ABAT: variants seen among roughly 807,000 people sequenced by gnomAD.
ABAT encodes 4-aminobutyrate aminotransferase, mitochondrial.
In ABAT, 45 loss-of-function variants were observed where a neutral mutation model predicts 64.6. The observed-to-expected ratio is 0.70, with a 90% CI of 0.55 to 0.89. The LOEUF (loss-of-function observed/expected upper bound fraction) is 0.89, where lower values mean the gene tolerates loss of function less well. Among genes scored for constraint, ABAT ranks in the 40% least tolerant of loss-of-function variants. The probability of loss-of-function intolerance (pLI) is 0.00; values close to 1 mark genes in which losing one functional copy is unlikely to be tolerated. For synonymous variants in ABAT, 297 were observed against 250.5 expected, an observed-to-expected ratio of 1.19 and a Z score of -1.75; for missense variants, 633 against 658.4, an observed-to-expected ratio of 0.96 and a Z score of 0.42.
At chr16:8,702,498 C>G (rs1325884092) in intron 1 of ABAT, among the ~76,000 whole-genome samples, 2 of 152,176 alleles carry the variant, frequency 1.3e-5, no homozygotes, top group Admixed American at 1.3e-4. Context: ...AGTAATCCTC[C>G]CGCCTCGGCC....
intron 1 of ABAT, among the ~76,000 whole-genome samples, chr16:8,707,475 A>T (rs2057974627): frequency 6.6e-6 from 1 of 151,156 alleles, no homozygotes; most frequent in South Asian, 2.1e-4. Context: ...GCATGAGCCA[A>T]TGTGCCCAGC....
At chr16:8,715,488 T>C (rs574280183) in intron 1 of ABAT, 101 of 151,460 alleles carry the variant, frequency 6.7e-4, no homozygotes, top group African/African-American at 2.2e-3. Flanking sequence ...TAACCAGACA[T>C]AGTGGTGTGT....
chr16:8,732,724 A>G (rs975089678), intron 1 of ABAT, among the ~76,000 whole-genome samples: 4 of 150,634 alleles, frequency 2.7e-5, no homozygotes, highest in Non-Finnish European at 4.4e-5. Flanking sequence ...CCCGTTCTCA[A>G]TGAGCTGTCG....
In ABAT at chr16:8,764,727, C is replaced by T. The variant is rs771506614; in HGVS notation, c.448-11C>T. 1.2e-6 allele frequency: 2 copies of T among 1,613,568 alleles called. No homozygotes were observed. Among genetic ancestry groups the T allele is most frequent in the Non-Finnish European group, 1.7e-6 (2 of 1,179,648 alleles). On this transcript the variant is annotated splice_polypyrimidine_tract_variant and intron_variant, in intron 7 of 15. Transcript: ENST00000268251. The surrounding 1 kb of genome is among the most constrained non-coding windows in gnomAD (Gnocchi z 4.2). ...ATGAGCCTGGGCTCACGGCTATTTC[C>T]CTCCCCACAGGTGGCTCCCAAAGGG... is the stretch of plus-strand genomic sequence containing the variant.
In ABAT at chr16:8,754,179, T is replaced by TAAAAAA. The variant is rs750745519; in HGVS notation, c.317-3557_317-3552dup. On this transcript the variant is annotated intron_variant, in intron 5 of 15. Coordinates refer to ENST00000268251, the MANE Select transcript of ABAT (RefSeq NM_020686.6). ...AGCCAACATGTTGAAACCCTGTCTA[T>TAAAAAA]AAAAAAAAAAAAAAAAAAAAAAAAA... Among the ~76,000 whole-genome samples the TAAAAAA allele has an allele frequency of 6.3e-3, 405 of 63,820 alleles. 40 individuals carry two copies. The highest frequency in any genetic ancestry group is 0.021 in the African/African-American group (384 of 18,044). 41.9% of individuals were successfully genotyped at this position (63,820 alleles called of 152,430 possible).
chr16:8,754,835 C>T (rs1005395833), intron 5 of ABAT, among the ~76,000 whole-genome samples: 7 of 151,966 alleles, frequency 4.6e-5, no homozygotes, highest in African/African-American at 1.7e-4. Flanking sequence ...TCTCCTGCCT[C>T]AGCCTCCCAA....
At chr16:8,715,626 C>T (rs1439331663) in intron 1 of ABAT, 23 of 111,022 alleles carry the variant, frequency 2.1e-4, no homozygotes, top group Admixed American at 1.6e-3. Context: ...GAGCGAGACC[C>T]TGTCTCTAAA....
At chr16:8,725,186 G>A (rs1372419065) in intron 1 of ABAT, among the ~76,000 whole-genome samples, 1 of 152,218 alleles carries the variant, frequency 6.6e-6, no homozygotes, top group Non-Finnish European at 1.5e-5. Flanking sequence ...AAAGTGCTAC[G>A]ATTATAGGCG....
intron 1 of ABAT, chr16:8,722,698 C>A: frequency 1.5e-6 from 1 of 675,894 alleles, no homozygotes; most frequent in Non-Finnish European, 2.2e-6. Context: ...GTCACAATTT[C>A]ATGGCGTGCC....
intron 2 of ABAT, among the ~76,000 whole-genome samples, chr16:8,741,366 A>T (rs1040409247): frequency 3.9e-5 from 6 of 152,242 alleles, no homozygotes; most frequent in Non-Finnish European, 8.8e-5. Flanking sequence ...AGTTCCATTC[A>T]TAGCTTCTAG....
At position 8,782,561 on chromosome 16, in the gene ABAT, G is replaced by A. The variant is rs7205816; in HGVS notation, c.*1131G>A. 0.55 allele frequency: 82,977 copies of A among 152,088 alleles called. 23,014 individuals carry two copies. The highest frequency in any genetic ancestry group is 0.64 in the East Asian group (3,287 of 5,162). 9.4% of individuals were successfully genotyped at this position (152,088 alleles called of 1,614,324 possible). Reference sequence around the variant, plus strand: ...TGGAAAAGTGGCCTGTTGGTTCAACGTGGTTTCCTTGTACTTGATCCTCCT... The same window carrying A: ...TGGAAAAGTGGCCTGTTGGTTCAACATGGTTTCCTTGTACTTGATCCTCCT... On this transcript the variant is annotated 3_prime_UTR_variant, in exon 16 of 16. Coordinates refer to ENST00000268251, the MANE Select transcript of ABAT (RefSeq NM_020686.6).
intron 2 of ABAT, 93 bp downstream of exon 2, chr16:8,735,902 G>C (rs962241358): frequency 1.2e-4 from 133 of 1,127,910 alleles, no homozygotes; most frequent in Non-Finnish European, 1.4e-4. Flanking sequence ...TGGGGATAAA[G>C]GGACCAGCCA....
At chr16:8,762,667 G>T (rs1235672344) in intron 6 of ABAT, among the ~76,000 whole-genome samples, 1 of 152,140 alleles carries the variant, frequency 6.6e-6, no homozygotes, top group Non-Finnish European at 1.5e-5. Context: ...AGACCCAGAC[G>T]GCTGTCAAGC....
At chr16:8,720,935 G>C (rs951431014) in intron 1 of ABAT, 1 of 152,296 alleles carries the variant, frequency 6.6e-6, no homozygotes, top group African/African-American at 2.4e-5. Context: ...GAGTAGAAAG[G>C]TGAGTCAGAC....
intron 1 of ABAT, among the ~76,000 whole-genome samples, chr16:8,684,729 A>G (rs1197349232): frequency 6.6e-6 from 1 of 152,002 alleles, no homozygotes; most frequent in Non-Finnish European, 1.5e-5. Context: ...TCTCAAAAAA[A>G]AAAAAAAAAA....
intron 1 of ABAT, among the ~76,000 whole-genome samples, chr16:8,677,339 G>A (rs2057227835): frequency 2.0e-5 from 3 of 152,198 alleles, no homozygotes; most frequent in Admixed American, 1.3e-4. Context: ...CTGGGGACAA[G>A]GGGATGTCTT....
chr16:8,762,967 G>C (rs1181785377), intron 6 of ABAT, among the ~76,000 whole-genome samples: 1 of 151,936 alleles, frequency 6.6e-6, no homozygotes, highest in Non-Finnish European at 1.5e-5. Flanking sequence ...AAATTAGCTG[G>C]GTGCGGTGGC....
Position 8,675,337 on chromosome 16 carries a change from T to A in ABAT, c.-42+626T>A, listed in dbSNP as rs74730854. 9.3e-3 allele frequency among the ~76,000 whole-genome samples: 1,407 copies of A among 152,102 alleles called. 26 individuals carry two copies. Among genetic ancestry groups the A allele is most frequent in the African/African-American group, 0.032 (1,332 of 41,472 alleles). On this transcript the variant is annotated intron_variant, in intron 1 of 15. Transcript: ENST00000268251. ...CCTCTGACACCACCACATTAAAGGCTTTTGGGGATTTCCCCTCTCCTCCCC... is the reference window on the plus strand; with the variant it reads ...CCTCTGACACCACCACATTAAAGGCATTTGGGGATTTCCCCTCTCCTCCCC...
chr16:8,699,590 C>T (rs1402923703), intron 1 of ABAT, among the ~76,000 whole-genome samples: 1 of 152,050 alleles, frequency 6.6e-6, no homozygotes, highest in Non-Finnish European at 1.5e-5. Flanking sequence ...AAAACAGGAC[C>T]TCACTCTGTC....
Sources: allele counts gnomAD v4.1 joint callset (sites outside exome capture counted in the v4.1 genomes callset), GRCh38; gene constraint gnomAD v4.1.1; non-coding constraint Gnocchi (gnomAD v3.1); transcripts MANE v1.5; gene names NCBI Gene and HGNC (gene_info 2026-07-23, HGNC 2026-07-21).